The following MAGI2 variants were observed in gnomAD, a reference collection of about 807,000 sequenced individuals.
MAGI2 encodes membrane-associated guanylate kinase, WW and PDZ domain-containing protein 2.
MAGI2 carries 35 observed loss-of-function variants against 133.3 expected under a neutral mutation model. The observed-to-expected ratio is 0.26, with a 90% confidence interval of 0.20 to 0.35. The LOEUF is 0.35. Ranked by LOEUF, MAGI2 falls within the 10% of genes least tolerant of loss-of-function variation. MAGI2 has a pLI of 1.00. For synonymous variants in MAGI2, 729 were observed against 710.6 expected (o/e 1.03, Z -0.41); for missense variants, 1,636 against 1,863.4 (o/e 0.88, Z 2.25).
Position 79,370,977 on chromosome 7 carries a change from A to T in MAGI2, c.301+82043T>A, listed in dbSNP as rs140279446. Among the ~76,000 whole-genome samples, 229 of 152,196 alleles carry T rather than the reference A, an allele frequency of 1.5e-3. 2 individuals carry two copies. The highest frequency in any genetic ancestry group is 5.1e-3 in the African/African-American group (213 of 41,546). On this transcript the variant is annotated intron_variant, in intron 1 of 21. Coordinates refer to ENST00000354212, the MANE Select transcript of MAGI2 (RefSeq NM_012301.4). ...GGATCTCATGGCTTCCAGATAATAT[A>T]GATATCCTTGTCTAGTCTAATCAAA...
chr7:78,721,696 C>T (rs1820283477), intron 2 of MAGI2, among the ~76,000 whole-genome samples: 1 of 151,924 alleles, frequency 6.6e-6, no homozygotes, highest in Non-Finnish European at 1.5e-5. Flanking sequence ...TAGCTTTTTA[C>T]TAAGAAACTG....
At chr7:78,791,698 C>T (rs1787161690) in intron 2 of MAGI2, among the ~76,000 whole-genome samples, 1 of 151,966 alleles carries the variant, frequency 6.6e-6, no homozygotes, top group African/African-American at 2.4e-5. Flanking sequence ...TACAGGCACA[C>T]GCCACCACGC....
At chr7:78,271,836 T>C (rs772902265) in intron 9 of MAGI2, among the ~76,000 whole-genome samples, 3 of 152,192 alleles carry the variant, frequency 2.0e-5, no homozygotes, top group Non-Finnish European at 4.4e-5. Flanking sequence ...ATTTGATTCT[T>C]CTCTCTTTTC....
intron 6 of MAGI2, among the ~76,000 whole-genome samples, chr7:78,440,769 T>C (rs1392472182): frequency 1.3e-5 from 2 of 150,614 alleles, no homozygotes; most frequent in Non-Finnish European, 3.0e-5. Flanking sequence ...CTGGCCAACA[T>C]AGTGAAACCC....
chr7:78,952,088 CA>C (rs1801918683), intron 2 of MAGI2, among the ~76,000 whole-genome samples: 1 of 152,108 alleles, frequency 6.6e-6, no homozygotes, highest in Non-Finnish European at 1.5e-5. Flanking sequence ...AATCTGGCTC[CA>C]AACTACCCTT....
At chr7:79,120,768 G>A (rs1482639770) in intron 1 of MAGI2, among the ~76,000 whole-genome samples, 3 of 151,986 alleles carry the variant, frequency 2.0e-5, no homozygotes, top group Middle Eastern at 3.4e-3. Context: ...TTCTATATAC[G>A]GTATTGTAAT....
intron 6 of MAGI2, among the ~76,000 whole-genome samples, chr7:78,432,092 A>C (rs961267684): frequency 1.3e-5 from 2 of 151,924 alleles, no homozygotes; most frequent in East Asian, 1.9e-4. Context: ...TTCATACAAC[A>C]CATGAGGCAG....
intron 6 of MAGI2, among the ~76,000 whole-genome samples, chr7:78,448,619 G>A (rs1222625863): frequency 6.6e-6 from 1 of 152,046 alleles, no homozygotes; most frequent in African/African-American, 2.4e-5. Context: ...AACACAAGGT[G>A]CCATTTCAAA....
At chr7:78,280,281 A>G (rs974556109) in intron 9 of MAGI2, among the ~76,000 whole-genome samples, 8 of 152,010 alleles carry the variant, frequency 5.3e-5, no homozygotes. Context: ...CCTCCTTCAC[A>G]AAGAAAGACA....
chr7:79,361,589 G>T (rs900264982), intron 1 of MAGI2, among the ~76,000 whole-genome samples: 5 of 152,174 alleles, frequency 3.3e-5, no homozygotes, highest in African/African-American at 9.7e-5. Flanking sequence ...GACACAAGTG[G>T]CTGGTCGTGG....
intron 1 of MAGI2, among the ~76,000 whole-genome samples, chr7:79,130,777 G>A (rs892435225): frequency 2.0e-5 from 3 of 152,108 alleles, no homozygotes; most frequent in South Asian, 4.1e-4. Flanking sequence ...AAGTGCTTTC[G>A]ATGATATTTT....
At chr7:78,520,191 T>C (rs1160678754) in intron 4 of MAGI2, among the ~76,000 whole-genome samples, 1 of 152,186 alleles carries the variant, frequency 6.6e-6, no homozygotes, top group Non-Finnish European at 1.5e-5. Context: ...GTAATCAAGA[T>C]GAAAGCACCT....
At chr7:78,483,805 T>C (rs1313983934) in intron 6 of MAGI2, among the ~76,000 whole-genome samples, 1 of 151,962 alleles carries the variant, frequency 6.6e-6, no homozygotes, top group Non-Finnish European at 1.5e-5. Context: ...TTAAGATATT[T>C]GAAATTTCAT....
At chr7:79,080,904 A>G (rs1257513591) in intron 1 of MAGI2, among the ~76,000 whole-genome samples, 1 of 151,566 alleles carries the variant, frequency 6.6e-6, no homozygotes, top group Non-Finnish European at 1.5e-5. Flanking sequence ...ATTCACTATC[A>G]CTCCACTAAA....
intron 2 of MAGI2, among the ~76,000 whole-genome samples, chr7:78,895,796 T>A (rs546234769): frequency 6.6e-6 from 1 of 152,346 alleles, no homozygotes; most frequent in East Asian, 1.9e-4. Flanking sequence ...AAATCTCTGT[T>A]ATTACTGACT....
At position 78,017,292 on chromosome 7, in the gene MAGI2, G is replaced by A. The variant is rs1348057016; in HGVS notation, c.*2023C>T. Reference sequence around the variant, plus strand: ...ACTACACAAATATTATTTGGAATGGGATTTAGATGATGTGCTGTCTTCACA... The same window carrying A: ...ACTACACAAATATTATTTGGAATGGAATTTAGATGATGTGCTGTCTTCACA... On this transcript the variant is annotated 3_prime_UTR_variant, in exon 22 of 22. Transcript: ENST00000354212. 2.6e-5 allele frequency: 4 copies of A among 152,638 alleles called. No individual in the cohort carries two copies. The highest frequency in any genetic ancestry group is 9.7e-5 in the African/African-American group (4 of 41,442). The allele number at this position is 152,638 out of a possible 1,614,324, so 9.5% of individuals were successfully genotyped here.
chr7:78,566,545 A>AG (rs890879744), intron 3 of MAGI2, among the ~76,000 whole-genome samples: 1 of 151,636 alleles, frequency 6.6e-6, no homozygotes, highest in Non-Finnish European at 1.5e-5. Context: ...AAAAAAAAAA[A>AG]AAAAACAGAG....
At position 79,359,667 on chromosome 7, in the gene MAGI2, GAAACAC is replaced by G. The variant is rs1180361212; in HGVS notation, c.301+93347_301+93352del. ...AGACCAAAAGGAAATGCTCAAGTGGGAAACACACACACACACACACACACACACACA... is the reference window on the plus strand; with the variant it reads ...AGACCAAAAGGAAATGCTCAAGTGGGACACACACACACACACACACACACA... On this transcript the variant is annotated intron_variant, in intron 1 of 21. Transcript: ENST00000354212. 1.8e-3 allele frequency among the ~76,000 whole-genome samples: 219 copies of G among 121,674 alleles called. 6 individuals carry two copies. In the East Asian group the frequency reaches 0.056, roughly 31 times the overall value. 79.8% of individuals were successfully genotyped at this position (121,674 alleles called of 152,430 possible).
chr7:78,370,707 C>T (rs867680056), intron 6 of MAGI2, among the ~76,000 whole-genome samples: 2 of 151,876 alleles, frequency 1.3e-5, no homozygotes, highest in South Asian at 4.1e-4. Context: ...AATTCCTCAT[C>T]CAAAACTTTT....
Sources: allele counts gnomAD v4.1 joint callset (sites outside exome capture counted in the v4.1 genomes callset), GRCh38; gene constraint gnomAD v4.1.1; transcripts MANE v1.5; gene names NCBI Gene and HGNC (gene_info 2026-07-23, HGNC 2026-07-21).